The following ASTN1 variants were observed in gnomAD, a reference collection of about 807,000 sequenced individuals.
The protein encoded by ASTN1 is astrotactin 1, also known as astrotactin-1.
Under a neutral mutation model 140.7 loss-of-function variants are expected in ASTN1, and 41 were observed. The ratio of observed to expected loss-of-function variants is 0.29; its 90% confidence interval spans 0.23 to 0.38. The LOEUF is 0.38. Ranked by LOEUF, ASTN1 falls within the 10% of genes least tolerant of loss-of-function variation. The pLI is 1.00. For synonymous variants in ASTN1, 640 were observed against 652.2 expected (o/e 0.98, Z 0.29); for missense variants, 1,479 against 1,678.8 (o/e 0.88, Z 2.08).
intron 1 of ASTN1, among the ~76,000 whole-genome samples, chr1:177,137,815 T>G (rs1410854592): frequency 1.3e-5 from 2 of 152,232 alleles, no homozygotes; most frequent in African/African-American, 2.4e-5. Context: ...TTATGGTGAT[T>G]TTTATAATAT....
chr1:176,866,640 C>CA (rs1437315965), intron 22 of ASTN1, among the ~76,000 whole-genome samples: 1 of 151,060 alleles, frequency 6.6e-6, no homozygotes, highest in Non-Finnish European at 1.5e-5. Context: ...TTGCTGCTTT[C>CA]AGTGCTCACT....
chr1:177,114,616 A>C (rs1373141020), intron 1 of ASTN1, among the ~76,000 whole-genome samples: 2 of 152,144 alleles, frequency 1.3e-5, no homozygotes, highest in African/African-American at 4.8e-5. Flanking sequence ...CACCTTATCC[A>C]GAATTCCTCA....
At chr1:176,892,356 G>A (rs953499029) in intron 17 of ASTN1, among the ~76,000 whole-genome samples, 7 of 152,174 alleles carry the variant, frequency 4.6e-5, no homozygotes, top group South Asian at 2.1e-4. Flanking sequence ...CTGGAAATAC[G>A]TTGTGATGGG....
downstream of ASTN1, among the ~76,000 whole-genome samples, chr1:176,858,669 G>A (rs376351959): frequency 7.9e-5 from 12 of 152,154 alleles, no homozygotes; most frequent in African/African-American, 2.9e-4. Context: ...AAACAAACAA[G>A]AATAGACAAT....
intron 1 of ASTN1, among the ~76,000 whole-genome samples, chr1:177,088,454 T>C (rs1253897844): frequency 1.3e-5 from 2 of 152,192 alleles, no homozygotes; most frequent in African/African-American, 4.8e-5. Context: ...GCCCTGACAT[T>C]CACCATGTGC....
intron 16 of ASTN1, among the ~76,000 whole-genome samples, chr1:176,922,896 T>C (rs1463655003): frequency 2.6e-5 from 4 of 152,316 alleles, no homozygotes; most frequent in African/African-American, 9.6e-5. Flanking sequence ...ATGCTAATAA[T>C]AATAGTAATG....
At chr1:177,086,030 T>A (rs1167664068) in intron 1 of ASTN1, among the ~76,000 whole-genome samples, 2 of 151,994 alleles carry the variant, frequency 1.3e-5, no homozygotes, top group Non-Finnish European at 2.9e-5. Flanking sequence ...TGGAAAGGGG[T>A]CTGCAGAGCC....
At chr1:176,992,083 GA>G (rs1315288065) in intron 8 of ASTN1, among the ~76,000 whole-genome samples, 4 of 152,158 alleles carry the variant, frequency 2.6e-5, no homozygotes, top group Non-Finnish European at 5.9e-5. Context: ...TATGGTATCT[GA>G]CTGATATTGC....
At chr1:176,892,667 C>A (rs749130977) in intron 17 of ASTN1, among the ~76,000 whole-genome samples, 3 of 152,006 alleles carry the variant, frequency 2.0e-5, no homozygotes, top group Non-Finnish European at 2.9e-5. Flanking sequence ...TTATTTAGTC[C>A]GACAGGAGGA....
At chr1:176,973,283 G>GT (rs1673220137) in intron 8 of ASTN1, among the ~76,000 whole-genome samples, 1 of 152,090 alleles carries the variant, frequency 6.6e-6, no homozygotes, top group South Asian at 2.1e-4. Context: ...TTCTACCACT[G>GT]TTTTCCCGAC....
In ASTN1 at chr1:177,061,363, G is replaced by A. The variant is rs1362947016; in HGVS notation, c.284-98C>T. On this transcript the variant is annotated intron_variant, in intron 1 of 22. Coordinates refer to ENST00000361833, the MANE Select transcript of ASTN1 (RefSeq NM_004319.3). ...TTGTACCAATTAGCCAGTTTCGTCT[G>A]AAGCCAACAGAAGTTTCCAACAATG... The A allele has an allele frequency of 5.1e-6, 6 of 1,179,610 alleles. No individual in the cohort carries two copies. In the African/African-American group the frequency reaches 9.4e-5, roughly 19 times the overall value. The allele number at this position is 1,179,610 out of a possible 1,614,324, so 73.1% of individuals were successfully genotyped here.
chr1:177,050,576 T>G (rs1677488752), intron 2 of ASTN1, among the ~76,000 whole-genome samples: 1 of 152,080 alleles, frequency 6.6e-6, no homozygotes, highest in Admixed American at 6.5e-5. Flanking sequence ...TTTCCTAGAT[T>G]TATTATAGAG....
chr1:176,957,760 C>T lies in ASTN1; in HGVS notation c.1805G>A (p.Arg602His), dbSNP rs375093597. The T allele has an allele frequency of 1.4e-5, 22 of 1,613,918 alleles. No individual in the cohort carries two copies. Among genetic ancestry groups the T allele is most frequent in the African/African-American group, 8.0e-5 (6 of 74,886 alleles). The stretch of plus-strand genomic sequence containing the variant: ...GCCCCCGTTATCTTTGCTGCAGTCG[C>T]GCACCGGCCCAAAGGAATCTAAGAG... Reference protein sequence around the residue: ...EVLLDSFGPVRDCSKDNGGCS... With the variant: ...EVLLDSFGPVHDCSKDNGGCS... The change falls in exon 11 of 23, where the codon CGC becomes CAC. Residue 602 changes from arginine (R) to histidine (H), a missense_variant. Around this residue, in one of 3 missense-constraint regions of ASTN1, gnomAD observed 729 missense variants for 860.4 expected, o/e 0.85. Coordinates refer to ENST00000361833, the MANE Select transcript of ASTN1 (RefSeq NM_004319.3).
intron 11 of ASTN1, among the ~76,000 whole-genome samples, chr1:176,954,093 C>T (rs1446556950): frequency 6.6e-6 from 1 of 152,210 alleles, no homozygotes; most frequent in Non-Finnish European, 1.5e-5. Context: ...TGCTCCAATC[C>T]CCACTGCCAT....
intron 7 of ASTN1, among the ~76,000 whole-genome samples, chr1:177,021,868 C>T (rs1675840428): frequency 6.6e-6 from 1 of 152,190 alleles, no homozygotes; most frequent in African/African-American, 2.4e-5. Context: ...CATGGAGAGC[C>T]CCCACCTCTG....
rs185609207 is a variant in ASTN1 at position 177,118,728 on chromosome 1, A to G, written c.283+45666T>C. 3.6e-3 allele frequency among the ~76,000 whole-genome samples: 554 copies of G among 152,290 alleles called. 2 individuals are homozygous for G. Among genetic ancestry groups the G allele is most frequent in the Middle Eastern group, 0.01 (3 of 294 alleles). On this transcript the variant is annotated intron_variant, in intron 1 of 22. Coordinates refer to ENST00000361833, the MANE Select transcript of ASTN1 (RefSeq NM_004319.3). Reference sequence around the variant, plus strand: ...CAGGCTCCATGGCATTTGGTTTGCCAATATTACATGTGTATATAATGTTAG... The same window carrying G: ...CAGGCTCCATGGCATTTGGTTTGCCGATATTACATGTGTATATAATGTTAG...
At chr1:176,993,603 T>C (rs1374126768) in intron 8 of ASTN1, among the ~76,000 whole-genome samples, 3 of 152,212 alleles carry the variant, frequency 2.0e-5, no homozygotes, top group African/African-American at 7.2e-5. Context: ...ATCTCGCTAA[T>C]AGACACTTGA....
At chr1:177,064,556 G>A (rs886842385) in intron 1 of ASTN1, among the ~76,000 whole-genome samples, 1 of 152,164 alleles carries the variant, frequency 6.6e-6, no homozygotes, top group Non-Finnish European at 1.5e-5. Flanking sequence ...ACTCCCATGG[G>A]GAGGTGGGCT....
intron 2 of ASTN1, among the ~76,000 whole-genome samples, chr1:177,056,441 C>A (rs1228945464): frequency 6.6e-6 from 1 of 152,124 alleles, no homozygotes; most frequent in Non-Finnish European, 1.5e-5. Flanking sequence ...CCTCCAGATA[C>A]TGGCCAAGGA....
Sources: gnomAD v4.1 joint callset for allele counts (sites outside exome capture counted in the v4.1 genomes callset) on GRCh38, gnomAD v4.1.1 for gene constraint, gnomAD v4.1.1 regional missense constraint, MANE v1.5 for transcripts, NCBI Gene and HGNC (gene_info 2026-07-23, HGNC 2026-07-21) for gene names.